The following TTK variants were observed in gnomAD, a reference collection of about 807,000 sequenced individuals.
TTK encodes dual specificity protein kinase TTK.
Under a neutral mutation model 117.3 loss-of-function variants are expected in TTK, and 59 were observed. The observed-to-expected ratio is 0.50, with a 90% CI of 0.41 to 0.62. The LOEUF (loss-of-function observed/expected upper bound fraction) is 0.62. TTK is among the 20% of genes least tolerant of loss of function. TTK has a pLI of 0.00. For synonymous variants in TTK, 302 were observed against 325.0 expected (o/e 0.93, Z 0.76); for missense variants, 921 against 989.4 (o/e 0.93, Z 0.93).
Position 80,040,588 on chromosome 6 carries a change from T to G in TTK, c.2393-18T>G. ...ATTTTTCTTACTGGTACTAGTGTAT[T>G]ATTGATTTATTTTATAGTTAACCAA... On this transcript the variant is annotated intron_variant, in intron 20 of 21. Coordinates refer to ENST00000369798, the MANE Select transcript of TTK (RefSeq NM_003318.5). 6.2e-7 allele frequency: 1 copy of G among 1,604,528 alleles called. No individual in the cohort carries two copies. The highest frequency in any genetic ancestry group is 1.1e-5 in the South Asian group (1 of 90,190).
intron 18 of TTK, among the ~76,000 whole-genome samples, chr6:80,038,787 CTTAAAT>C (rs1251293353): frequency 1.3e-5 from 2 of 152,050 alleles, no homozygotes; most frequent in Non-Finnish European, 2.9e-5. Context: ...TCTTCTAAAA[CTTAAAT>C]TTCTTGTGTT....
intron 4 of TTK, among the ~76,000 whole-genome samples, chr6:80,010,448 T>C (rs1767112140): frequency 6.6e-6 from 1 of 150,430 alleles, no homozygotes; most frequent in Non-Finnish European, 1.5e-5. Context: ...TTGTAACATC[T>C]AGAATGCCCT....
chr6:80,038,007 A>G lies in TTK; in HGVS notation c.2090A>G (p.Asp697Gly), dbSNP rs768378142. 3.1e-6 allele frequency: 5 copies of G among 1,610,862 alleles called. No homozygotes were observed. Among genetic ancestry groups the G allele is most frequent in the Non-Finnish European group, 4.2e-6 (5 of 1,178,174 alleles). Residue 697 changes from aspartate to glycine, a missense_variant, in exon 18 of 22, where the codon GAT (aspartate) becomes GGT (glycine). Transcript: ENST00000369798. Reference protein sequence around the residue: ...VNYMPPEAIKDMSSSRENGKS... With the variant: ...VNYMPPEAIKGMSSSRENGKS... Reference sequence around the variant, plus strand: ...TATATGCCACCAGAAGCAATCAAAGATATGTCTTCCTCCAGAGAGAATGGG... The same window carrying G: ...TATATGCCACCAGAAGCAATCAAAGGTATGTCTTCCTCCAGAGAGAATGGG...
At chr6:80,040,319 T>A in intron 20 of TTK, 39 bp downstream of exon 20, 1 of 1,471,372 alleles carries the variant, frequency 6.8e-7, no homozygotes, top group Non-Finnish European at 9.2e-7. Flanking sequence ...ACTAGATTGG[T>A]AGTATAAACA....
intron 16 of TTK, 108 bp downstream of exon 16, chr6:80,035,525 G>A (rs1054046839): frequency 1.2e-5 from 13 of 1,093,426 alleles, no homozygotes; most frequent in Middle Eastern, 3.1e-4. Flanking sequence ...TGTCTTTAAC[G>A]AGATCAACTA....
chr6:80,041,978 A>C (rs1417676477), intron 21 of TTK, 141 bp from the exon 22 acceptor site: 1 of 465,514 alleles, frequency 2.1e-6, no homozygotes, highest in Admixed American at 3.8e-5. Flanking sequence ...TATCTCTAAT[A>C]GTTTATAAAA....
At chr6:80,026,895 T>C (rs1322192435) in intron 12 of TTK, among the ~76,000 whole-genome samples, 1 of 152,096 alleles carries the variant, frequency 6.6e-6, no homozygotes, top group African/African-American at 2.4e-5. Context: ...TTCACATAAG[T>C]GGTGTTAATT....
intron 11 of TTK, among the ~76,000 whole-genome samples, chr6:80,026,007 G>C (rs1767595086): frequency 6.6e-6 from 1 of 151,958 alleles, no homozygotes; most frequent in South Asian, 2.1e-4. Context: ...GAAGGGAATA[G>C]AGTTTTATTG....
At position 80,011,919 on chromosome 6, in the gene TTK, C is replaced by G. The variant is rs1582090139; in HGVS notation, c.835C>G (p.Leu279Val). The part of the protein sequence containing the change: ...CPFGRVPVNL[L>V]NSPDCDVKTD... ...ATTTGGAAGAGTCCCAGTTAACCTT[C>G]TAAATAGCCCAGATTGTGATGTGAA... The change falls in exon 8 of 22, where the codon CTA becomes GTA. Residue 279 changes from leucine to valine, a missense_variant. Transcript: ENST00000369798. The G allele has an allele frequency of 6.2e-7, 1 of 1,612,488 alleles. No individual in the cohort carries two copies. Among genetic ancestry groups the G allele is most frequent in the Non-Finnish European group, 8.5e-7 (1 of 1,179,122 alleles).
At chr6:80,029,941 T>C (rs1324420747) in intron 13 of TTK, among the ~76,000 whole-genome samples, 1 of 152,078 alleles carries the variant, frequency 6.6e-6, no homozygotes, top group East Asian at 1.9e-4. Flanking sequence ...GTTTTAAATA[T>C]GAAAGGAAGA....
rs1035131227 is a variant in TTK at position 80,031,388 on chromosome 6, G to A, written c.1522-79G>A. The stretch of plus-strand genomic sequence containing the variant: ...AGATTTAAGATAATTTCAAAATGGG[G>A]AGCAGTTGACTGTACCAAATGTAAG... On this transcript the variant is annotated intron_variant, in intron 13 of 21. Transcript: ENST00000369798. The A allele has an allele frequency of 3.8e-5, 26 of 679,382 alleles. No homozygotes were observed. The African/African-American group carries it at 4.8e-4, about 12-fold the overall frequency. 42.1% of individuals were successfully genotyped at this position (679,382 alleles called of 1,614,324 possible).
At chr6:80,041,004 C>T (rs569401451) in intron 21 of TTK, among the ~76,000 whole-genome samples, 2 of 151,848 alleles carry the variant, frequency 1.3e-5, no homozygotes, top group Admixed American at 1.3e-4. Context: ...TTTAATTCAG[C>T]ACCATTATTA....
At chr6:80,023,674 A>G (rs1250598941) in intron 11 of TTK, among the ~76,000 whole-genome samples, 1 of 152,232 alleles carries the variant, frequency 6.6e-6, no homozygotes, top group Non-Finnish European at 1.5e-5. Flanking sequence ...TATTTTCTGA[A>G]ACAAAATAAC....
Position 80,008,172 on chromosome 6 carries a change from A to T in TTK, c.362+141A>T, listed in dbSNP as rs895924641. ...AATACTTTTGCTTATAGTTAACAAG[A>T]GACTAATGTAAACTCTTTTCTATGC... is the stretch of plus-strand genomic sequence containing the variant. On this transcript the variant is annotated intron_variant, in intron 3 of 21. Transcript: ENST00000369798. 10 of 1,098,644 alleles carry T rather than the reference A, an allele frequency of 9.1e-6. No individual in the cohort carries two copies. The African/African-American group carries it at 1.6e-4, about 18-fold the overall frequency. The allele number at this position is 1,098,644 out of a possible 1,614,324, so 68.1% of individuals were successfully genotyped here. A position where few individuals can be genotyped will look rare whatever the true frequency, so the allele number is the denominator to read the frequency against.
At position 80,036,569 on chromosome 6, in the gene TTK, A is replaced by AGATAC; in HGVS notation, c.2020_2024dup (p.Thr676IlefsTer38). 2.5e-6 allele frequency: 4 copies of AGATAC among 1,611,254 alleles called. No individual in the cohort carries two copies. Among genetic ancestry groups the AGATAC allele is most frequent in the Non-Finnish European group, 3.4e-6 (4 of 1,178,662 alleles). ...TTGGGATTGCAAACCAAATGCAACC[A>AGATAC]GATACAACAAGTGTTGTTAAAGATT... On this transcript the variant is annotated frameshift_variant, in exon 17 of 22. Transcript: ENST00000369798. LOFTEE classifies it high-confidence loss of function.
At chr6:80,024,764 T>G (rs1442366433) in intron 11 of TTK, among the ~76,000 whole-genome samples, 3 of 152,192 alleles carry the variant, frequency 2.0e-5, no homozygotes, top group African/African-American at 7.2e-5. Context: ...TCTAGGCAGT[T>G]TCTTGTGGAT....
chr6:80,033,850 G>A lies in TTK; in HGVS notation c.1615-1135G>A, dbSNP rs145879225. ...TGAATTACCTAATTTAATTGCTTTCGTAGAAATTACTTGGTTAATATTTAT... is the reference window on the plus strand; with the variant it reads ...TGAATTACCTAATTTAATTGCTTTCATAGAAATTACTTGGTTAATATTTAT... On this transcript the variant is annotated intron_variant, in intron 14 of 21. Transcript: ENST00000369798. 9.9e-4 allele frequency among the ~76,000 whole-genome samples: 150 copies of A among 152,024 alleles called. 1 individual carries two copies. The highest frequency in any genetic ancestry group is 3.3e-3 in the African/African-American group (138 of 41,478).
chr6:80,037,562 A>G (rs1300745273), intron 17 of TTK: 1 of 152,806 alleles, frequency 6.5e-6, no homozygotes, highest in Non-Finnish European at 1.5e-5. Context: ...ACAAGAAACG[A>G]ATGGTAAGTC....
Position 80,035,319 on chromosome 6 carries a change from T to C in TTK, c.1826T>C (p.Leu609Pro). ...YMVMECGNID[L>P]NSWLKKKKSI... ...GTAATGGAGTGTGGAAATATTGATC[T>C]TAATAGTTGGCTTAAAAAGAAAAAA... Residue 609 changes from leucine (L) to proline (P), a missense_variant, in exon 16 of 22, where the codon CTT (leucine) becomes CCT (proline). Leu to Pro is a moderately conservative substitution (Grantham distance 98). Transcript: ENST00000369798. 1 of 1,612,428 alleles carries C rather than the reference T, an allele frequency of 6.2e-7. No individual in the cohort carries two copies. The highest frequency in any genetic ancestry group is 8.5e-7 in the Non-Finnish European group (1 of 1,179,208).
Sources: allele counts gnomAD v4.1 joint callset (sites outside exome capture counted in the v4.1 genomes callset), GRCh38; gene constraint gnomAD v4.1.1; transcripts MANE v1.5; gene names NCBI Gene and HGNC (gene_info 2026-07-23, HGNC 2026-07-21).